The following DIP2C variants were observed in gnomAD, a reference collection of about 807,000 sequenced individuals.
DIP2C encodes DIP2 acetate--CoA ligase C (putative), also known as disco-interacting protein 2 homolog C.
DIP2C carries 33 observed loss-of-function variants against 192.4 expected under a neutral mutation model. That is an observed-to-expected ratio of 0.17 (90% CI 0.13 to 0.23). The LOEUF (loss-of-function observed/expected upper bound fraction) is 0.23. Ranked by LOEUF, DIP2C falls within the 10% of genes least tolerant of loss-of-function variation. The probability of loss-of-function intolerance (pLI) is 1.00; values close to 1 mark genes in which losing one functional copy is unlikely to be tolerated. For synonymous variants in DIP2C, 979 were observed against 864.1 expected, an observed-to-expected ratio of 1.13 and a Z score of -2.33; for missense variants, 1,537 against 2,110.1, an observed-to-expected ratio of 0.73 and a Z score of 5.32.
chr10:299,511 G>C (rs184372506), intron 32 of DIP2C, among the ~76,000 whole-genome samples: 1 of 152,260 alleles, frequency 6.6e-6, no homozygotes, highest in Admixed American at 6.5e-5. Context: ...AATTCAAAGT[G>C]GATCAATGAC....
In DIP2C at chr10:344,789, C is replaced by T; in HGVS notation, c.3453+20G>A. On this transcript the variant is annotated intron_variant, in intron 28 of 36. Coordinates refer to ENST00000280886, the MANE Select transcript of DIP2C (RefSeq NM_014974.3). ...TCCGCAGTTGCCTCCATGGCCACCG[C>T]CCGCAGCCACCCCCCTCACCTTTAC... 6.4e-7 allele frequency: 1 copy of T among 1,565,094 alleles called. No individual in the cohort carries two copies. Among genetic ancestry groups the T allele is most frequent in the Non-Finnish European group, 8.7e-7 (1 of 1,154,502 alleles).
At chr10:518,672 A>T (rs1253489125) in intron 1 of DIP2C, among the ~76,000 whole-genome samples, 1 of 152,192 alleles carries the variant, frequency 6.6e-6, no homozygotes, top group Non-Finnish European at 1.5e-5. Flanking sequence ...TCCACCCTCC[A>T]GAACTGTGAG....
intron 1 of DIP2C, chr10:650,523 G>A (rs1588678614): frequency 1.5e-6 from 1 of 681,790 alleles, no homozygotes; most frequent in Non-Finnish European, 2.7e-6. Context: ...TGCCCCAGCT[G>A]GTCCCCCCAT....
At chr10:496,992 C>T (rs1469731945) in intron 1 of DIP2C, among the ~76,000 whole-genome samples, 2 of 152,050 alleles carry the variant, frequency 1.3e-5, no homozygotes, top group East Asian at 1.9e-4. Context: ...GGTGTGGTGG[C>T]GGGTGCCTGT....
intron 1 of DIP2C, among the ~76,000 whole-genome samples, chr10:657,780 G>C (rs1340473882): frequency 7.5e-6 from 1 of 133,052 alleles, no homozygotes; most frequent in Non-Finnish European, 1.6e-5. Context: ...TTGACCTGAT[G>C]CTGGACCTCT....
intron 1 of DIP2C, among the ~76,000 whole-genome samples, chr10:579,940 A>C (rs1850489957): frequency 6.6e-6 from 1 of 151,674 alleles, no homozygotes; most frequent in South Asian, 2.1e-4. Context: ...ACACTATAAC[A>C]TGTATGTACA....
rs946878232 is a variant in DIP2C, at chr10:390,487, T to C, written c.1385-114A>G. The C allele has an allele frequency of 1.9e-5, 22 of 1,150,596 alleles. No individual in the cohort carries two copies. The South Asian group carries it at 2.8e-4, about 15-fold the overall frequency. 71.3% of individuals were successfully genotyped at this position (1,150,596 alleles called of 1,614,324 possible). On this transcript the variant is annotated intron_variant, in intron 11 of 36. Transcript: ENST00000280886. ...CACGTCAACTAGATCGAATCTCTGGTGTCTCCGGACTTCACGAGATCTAAG... is the reference window on the plus strand; with the variant it reads ...CACGTCAACTAGATCGAATCTCTGGCGTCTCCGGACTTCACGAGATCTAAG...
At position 369,655 on chromosome 10, in the gene DIP2C, TGAA is replaced by T. The variant is rs1960719085; in HGVS notation, c.1992-25_1992-23del. 4.3e-6 allele frequency: 7 copies of T among 1,614,048 alleles called. No individual in the cohort carries two copies. In the East Asian group the frequency reaches 1.6e-4, roughly 36 times the overall value. The stretch of plus-strand genomic sequence containing the variant: ...GGGCCTGTAATGACAGTTTTTAACT[TGAA>T]TATGCAGGAGCAGATAAGCCATCAC... On this transcript the variant is annotated intron_variant, in intron 17 of 36. Transcript: ENST00000280886.
intron 1 of DIP2C, among the ~76,000 whole-genome samples, chr10:520,770 T>C (rs1846652850): frequency 6.6e-6 from 1 of 152,208 alleles, no homozygotes; most frequent in African/African-American, 2.4e-5. Context: ...CTAAGACCCC[T>C]TGGGCTTTTT....
chr10:651,414 G>C lies in DIP2C; in HGVS notation c.85+38080C>G, dbSNP rs1218177779. 1.4e-6 allele frequency: 1 copy of C among 697,960 alleles called. No homozygotes were observed. Among genetic ancestry groups the C allele is most frequent in the African/African-American group, 1.7e-5 (1 of 57,326 alleles). 43.2% of individuals were successfully genotyped at this position (697,960 alleles called of 1,614,324 possible). A position where few individuals can be genotyped will look rare whatever the true frequency, so the allele number is the denominator to read the frequency against. On this transcript the variant is annotated intron_variant, in intron 1 of 36. Transcript: ENST00000280886. This position sits in a 1 kb window ranked among gnomAD's most constrained non-coding sequence, Gnocchi z 4.1. ...CTGTGGAACAACCAAACTCGTGACT[G>C]AATGAACAAGTATGTTAAGTCGTTA...
intron 4 of DIP2C, among the ~76,000 whole-genome samples, chr10:438,094 A>G (rs1268735737): frequency 6.6e-6 from 1 of 152,254 alleles, no homozygotes; most frequent in African/African-American, 2.4e-5. Context: ...AAGGTTTTTT[A>G]TGGTTTATAT....
intron 29 of DIP2C, among the ~76,000 whole-genome samples, chr10:334,646 T>C (rs1589514018): frequency 1.3e-5 from 2 of 152,352 alleles, no homozygotes; most frequent in South Asian, 4.1e-4. Flanking sequence ...TTCCTTTTCA[T>C]GTGAATGTCC....
In DIP2C at chr10:627,131, C is replaced by T. The variant is rs563573777; in HGVS notation, c.85+62363G>A. ...CTCAGAGATGGGTGGTCCCCGCACA[C>T]GCAGTGGCTCTGTAACATCCTCCAA... is the stretch of plus-strand genomic sequence containing the variant. On this transcript the variant is annotated intron_variant, in intron 1 of 36. Coordinates refer to ENST00000280886, the MANE Select transcript of DIP2C (RefSeq NM_014974.3). Among the ~76,000 whole-genome samples the T allele has an allele frequency of 1.1e-3, 161 of 152,378 alleles. No homozygotes were observed. The South Asian group carries it at 0.013, about 12-fold the overall frequency.
intron 32 of DIP2C, among the ~76,000 whole-genome samples, chr10:294,764 A>G (rs1955668499): frequency 6.6e-6 from 1 of 152,180 alleles, no homozygotes; most frequent in Admixed American, 6.5e-5. Context: ...TTAAAAAAAT[A>G]CTTACTGAAT....
chr10:483,533 C>T (rs1165624811), intron 2 of DIP2C, among the ~76,000 whole-genome samples: 4 of 152,368 alleles, frequency 2.6e-5, no homozygotes, highest in Non-Finnish European at 4.4e-5. Flanking sequence ...AGTCTGGTGT[C>T]TGGGCCTCAA....
chr10:549,917 G>C (rs1848497799), intron 1 of DIP2C, among the ~76,000 whole-genome samples: 1 of 152,052 alleles, frequency 6.6e-6, no homozygotes, highest in Admixed American at 6.5e-5. Flanking sequence ...GGGAGACTGT[G>C]TCTCCAGCCT....
chr10:563,446 T>C (rs1289220540), intron 1 of DIP2C, among the ~76,000 whole-genome samples: 1 of 152,232 alleles, frequency 6.6e-6, no homozygotes, highest in Non-Finnish European at 1.5e-5. Flanking sequence ...GAAATGAGTC[T>C]TCATGAGAAA....
intron 17 of DIP2C, among the ~76,000 whole-genome samples, chr10:370,327 G>A (rs548729611): frequency 1.9e-4 from 29 of 152,170 alleles, no homozygotes; most frequent in Non-Finnish European, 4.0e-4. Flanking sequence ...CACCTCCTCT[G>A]CCGGACACCC....
chr10:592,296 T>TA (rs745906005), intron 1 of DIP2C, among the ~76,000 whole-genome samples: 167 of 152,318 alleles, frequency 1.1e-3, no homozygotes, highest in Non-Finnish European at 1.9e-3. Context: ...TGTGTGGCTG[T>TA]AATGAGGGCT....
Sources: allele counts gnomAD v4.1 joint callset (sites outside exome capture counted in the v4.1 genomes callset), GRCh38; gene constraint gnomAD v4.1.1; non-coding constraint Gnocchi (gnomAD v3.1); transcripts MANE v1.5; gene names NCBI Gene and HGNC (gene_info 2026-07-23, HGNC 2026-07-21).